PGLYRP4: variants seen among roughly 807,000 people sequenced by gnomAD.
PGLYRP4 encodes PGRP-I-beta.
In PGLYRP4, 39 loss-of-function variants were observed where a neutral mutation model predicts 41.2. The observed-to-expected ratio is 0.95, with a 90% confidence interval of 0.73 to 1.24. The LOEUF (loss-of-function observed/expected upper bound fraction) is 1.24. Among genes scored for constraint, PGLYRP4 ranks in the 50% most tolerant of loss-of-function variants. The probability of loss-of-function intolerance (pLI) is 0.00; values close to 1 mark genes in which losing one functional copy is unlikely to be tolerated. For synonymous variants in PGLYRP4, 202 were observed against 186.8 expected (o/e 1.08, Z -0.66); for missense variants, 467 against 460.7 (o/e 1.01, Z -0.13).
At chr1:153,331,907 C>T (rs747226776) in intron 8 of PGLYRP4, among the ~76,000 whole-genome samples, 7 of 152,128 alleles carry the variant, frequency 4.6e-5, no homozygotes, top group Non-Finnish European at 1.0e-4. Flanking sequence ...ATTACTCAAT[C>T]GAGACTGCAA....
Position 153,340,487 on chromosome 1 carries a change from G to A in PGLYRP4, c.718C>T (p.His240Tyr). The change falls in exon 7 of 9, where the codon CAC becomes TAC. Residue 240 changes from histidine to tyrosine, a missense_variant. His to Tyr is a moderately conservative substitution (Grantham distance 83, BLOSUM62 2). Transcript: ENST00000359650. ...ATGTTGCAGGTCCTCCCGGCAGTGT[G>A]GATAATGATGCCATACTTCGCTGGG... ...TLPAKYGIII[H>Y]TAGRTCNISD... 3 of 1,614,154 alleles carry A rather than the reference G, an allele frequency of 1.9e-6. No homozygotes were observed. Among genetic ancestry groups the A allele is most frequent in the Non-Finnish European group, 2.5e-6 (3 of 1,179,988 alleles).
Position 153,345,343 on chromosome 1 carries a change from G to T in PGLYRP4, c.179C>A (p.Ala60Glu). The T allele has an allele frequency of 6.2e-7, 1 of 1,614,178 alleles. No homozygotes were observed. The highest frequency in any genetic ancestry group is 8.5e-7 in the Non-Finnish European group (1 of 1,180,014). The change falls in exon 4 of 9, where the codon GCA (alanine) becomes GAA (glutamate). Residue 60 changes from alanine to glutamate, a missense_variant. Ala to Glu is a moderately radical substitution (Grantham distance 107). Coordinates refer to ENST00000359650, the MANE Select transcript of PGLYRP4 (RefSeq NM_020393.4). The stretch of plus-strand genomic sequence containing the variant: ...GCAGCCAACAGCTTCTGCCCCCCAT[G>T]CCTTGCGAGAGACCGTGGTGGAGAC... ...TDVSTTVSRKAWGAEAVGCSI... is the reference protein window; with the variant it reads ...TDVSTTVSRKEWGAEAVGCSI...
At chr1:153,342,330 T>C (rs1660834894) in intron 5 of PGLYRP4, among the ~76,000 whole-genome samples, 3 of 152,152 alleles carry the variant, frequency 2.0e-5, no homozygotes, top group Non-Finnish European at 4.4e-5. Context: ...ACCCAGGAGC[T>C]GGAGATAAAA....
chr1:153,336,697 G>A (rs547664939), intron 8 of PGLYRP4, among the ~76,000 whole-genome samples: 2 of 152,156 alleles, frequency 1.3e-5, no homozygotes, highest in South Asian at 4.2e-4. Flanking sequence ...GTATATCCAT[G>A]TAACACAATA....
chr1:153,341,909 C>T, intron 5 of PGLYRP4, 130 bp from the exon 6 acceptor site: 1 of 791,588 alleles, frequency 1.3e-6, no homozygotes, highest in South Asian at 1.9e-5. Context: ...AGGTTATGCC[C>T]CCAGTTGGAG....
intron 8 of PGLYRP4, among the ~76,000 whole-genome samples, chr1:153,335,721 C>CTAAATAAATAAATAAATGAA: frequency 2.7e-5 from 1 of 37,054 alleles, no homozygotes; most frequent in South Asian, 8.5e-4. Context: ...AAGACTCTGT[C>CTAAATAAATAAATAAATGAA]TAAATAAATA....
At chr1:153,343,048 T>C in intron 5 of PGLYRP4, 42 bp downstream of exon 5, 1 of 1,262,744 alleles carries the variant, frequency 7.9e-7, no homozygotes, top group South Asian at 1.2e-5. Flanking sequence ...AGACAAAGGA[T>C]TAGAGAACTC....
chr1:153,338,965 C>T (rs1660684527), intron 7 of PGLYRP4, among the ~76,000 whole-genome samples: 1 of 152,234 alleles, frequency 6.6e-6, no homozygotes, highest in Admixed American at 6.5e-5. Flanking sequence ...ATGGCATCCC[C>T]AGAGTAGCCT....
At chr1:153,334,299 T>C (rs1283479398) in intron 8 of PGLYRP4, among the ~76,000 whole-genome samples, 5 of 151,356 alleles carry the variant, frequency 3.3e-5, no homozygotes, top group African/African-American at 1.2e-4. Flanking sequence ...CCATATACAA[T>C]AGCTACATAT....
intron 5 of PGLYRP4, 109 bp from the exon 6 acceptor site, chr1:153,341,888 G>T: frequency 9.9e-7 from 1 of 1,011,466 alleles, no homozygotes; most frequent in Non-Finnish European, 1.4e-6. Context: ...TGGAGAGGAA[G>T]AAAAGGGAAC....
Position 153,330,579 on chromosome 1 carries a change from G to T in PGLYRP4, c.*188C>A. ...AGACTCAGAGGGCTGTGAATGTCCA[G>T]CTATGAGGTTTGGAGGCCCTTGGAG... On this transcript the variant is annotated 3_prime_UTR_variant, in exon 9 of 9. Coordinates refer to ENST00000359650, the MANE Select transcript of PGLYRP4 (RefSeq NM_020393.4). 1 of 479,388 alleles carries T rather than the reference G, an allele frequency of 2.1e-6. No homozygotes were observed. The highest frequency in any genetic ancestry group is 3.8e-6 in the Non-Finnish European group (1 of 260,764). 29.7% of individuals were successfully genotyped at this position (479,388 alleles called of 1,614,324 possible).
chr1:153,343,325 A>G, intron 4 of PGLYRP4, 117 bp from the exon 5 acceptor site: 1 of 678,100 alleles, frequency 1.5e-6, no homozygotes, highest in East Asian at 2.6e-5. Context: ...ACTAAAAGGA[A>G]TTTGCATGAA....
At chr1:153,343,982 A>C (rs950992437) in intron 4 of PGLYRP4, among the ~76,000 whole-genome samples, 16 of 152,158 alleles carry the variant, frequency 1.1e-4, no homozygotes, top group African/African-American at 3.6e-4. Flanking sequence ...CACTAAGATA[A>C]GGAAGCTAAA....
intron 6 of PGLYRP4, among the ~76,000 whole-genome samples, chr1:153,341,150 T>C (rs1349338641): frequency 6.6e-6 from 1 of 152,218 alleles, no homozygotes. Flanking sequence ...TGTAAACATA[T>C]GAGTGTATAA....
At chr1:153,331,040 G>T in intron 8 of PGLYRP4, 95 bp from the exon 9 acceptor site, 1 of 1,020,840 alleles carries the variant, frequency 9.8e-7, no homozygotes, top group Non-Finnish European at 1.4e-6. Flanking sequence ...CAAGCTAATA[G>T]ATTCCACTGT....
At chr1:153,335,960 T>C (rs1321765594) in intron 8 of PGLYRP4, among the ~76,000 whole-genome samples, 1 of 152,130 alleles carries the variant, frequency 6.6e-6, no homozygotes, top group Non-Finnish European at 1.5e-5. Context: ...TATGTTTATC[T>C]CAACACTATT....
At chr1:153,333,839 A>G (rs1196405860) in intron 8 of PGLYRP4, among the ~76,000 whole-genome samples, 1 of 152,234 alleles carries the variant, frequency 6.6e-6, no homozygotes, top group Non-Finnish European at 1.5e-5. Flanking sequence ...ATGCAGAAAA[A>G]GCATTCAATT....
intron 7 of PGLYRP4, among the ~76,000 whole-genome samples, chr1:153,340,091 C>T (rs539817184): frequency 6.0e-4 from 92 of 152,308 alleles, no homozygotes; most frequent in East Asian, 3.9e-4. Context: ...ATCTTGCATG[C>T]GTACTGCTTC....
intron 5 of PGLYRP4, 136 bp downstream of exon 5, chr1:153,342,954 C>A: frequency 3.5e-6 from 2 of 565,282 alleles, no homozygotes; most frequent in South Asian, 2.7e-5. Context: ...AAGAAAATTC[C>A]AAGAGAGAGT....
Sources: gnomAD v4.1 joint callset for allele counts (sites outside exome capture counted in the v4.1 genomes callset) on GRCh38, gnomAD v4.1.1 for gene constraint, MANE v1.5 for transcripts, NCBI Gene and HGNC (gene_info 2026-07-23, HGNC 2026-07-21) for gene names.